Variants in ZFP64 observed in about 807,000 individuals in gnomAD.
ZFP64 encodes ZFP64 zinc finger protein.
In ZFP64, 14 loss-of-function variants were observed where a neutral mutation model predicts 51.6. The observed-to-expected ratio is 0.27, with a 90% CI of 0.18 to 0.42. ZFP64 has a LOEUF of 0.42. Ranked by LOEUF, ZFP64 falls within the 10% of genes least tolerant of loss-of-function variation. ZFP64 has a pLI of 1.00. For synonymous variants in ZFP64, 375 were observed against 361.4 expected, an observed-to-expected ratio of 1.04 and a Z score of -0.43; for missense variants, 754 against 906.8, an observed-to-expected ratio of 0.83 and a Z score of 2.16.
rs967614806 is a variant in ZFP64, at chr20:52,160,522, G to A, written c.512-148C>T. Reference sequence around the variant, plus strand: ...AAACACTGGGTGGATGATTGGCAAAGAGCTAACATCTTGGGAGAGGGGAAG... The same window carrying A: ...AAACACTGGGTGGATGATTGGCAAAAAGCTAACATCTTGGGAGAGGGGAAG... On this transcript the variant is annotated intron_variant, in intron 4 of 5. Transcript: ENST00000216923. The surrounding 1 kb of genome is among the most constrained non-coding windows in gnomAD (Gnocchi z 4.2). The A allele has an allele frequency of 3.6e-6, 4 of 1,098,102 alleles. No homozygotes were observed. The highest frequency in any genetic ancestry group is 5.0e-6 in the Non-Finnish European group (4 of 799,970). 68.0% of individuals were successfully genotyped at this position (1,098,102 alleles called of 1,614,324 possible).
At chr20:52,131,019 T>C (rs986871013) in intron 5 of ZFP64, among the ~76,000 whole-genome samples, 4 of 151,792 alleles carry the variant, frequency 2.6e-5, no homozygotes, top group East Asian at 1.9e-4. Context: ...TGAGCCAAGA[T>C]TGGGCCACTG....
In ZFP64 at chr20:52,191,463, C is replaced by T. The variant is rs944230139; in HGVS notation, c.46+128G>A. 21 of 1,194,580 alleles carry T rather than the reference C, an allele frequency of 1.8e-5. No individual in the cohort carries two copies. In the African/African-American group the frequency reaches 1.8e-4, roughly 10 times the overall value. 74.0% of individuals were successfully genotyped at this position (1,194,580 alleles called of 1,614,324 possible). The stretch of plus-strand genomic sequence containing the variant: ...CGCGCCCGCCGCGGTCCCCGAGACG[C>T]GGCTCCGAGCCGTCACCCCGATTTC... On this transcript the variant is annotated intron_variant, in intron 1 of 5. Coordinates refer to ENST00000216923, the MANE Select transcript of ZFP64 (RefSeq NM_018197.3). This position sits in a 1 kb window ranked among gnomAD's most constrained non-coding sequence, Gnocchi z 4.3.
chr20:52,161,614 C>T (rs547328631), intron 4 of ZFP64, among the ~76,000 whole-genome samples: 1 of 152,154 alleles, frequency 6.6e-6, no homozygotes, highest in South Asian at 2.1e-4. Context: ...AATTACTGAA[C>T]CCATTCCTTA....
rs140782754 is a variant in ZFP64, at chr20:52,160,256, G to A, written c.630C>T (p.Tyr210=). The stretch of plus-strand genomic sequence containing the variant: ...TGAGGCTGCTGCTGTCGGCAGCGGC[G>A]TAGTCACACGTCTTACACTTGTAGG... ...VKPYKCKTCD[Y]AAADSSSLNK... The change falls in exon 5 of 6, where the codon TAC becomes TAT. Residue 210 remains tyrosine (Y), a synonymous_variant. Transcript: ENST00000216923. The surrounding 1 kb of genome is among the most constrained non-coding windows in gnomAD (Gnocchi z 4.2). 267 of 1,614,158 alleles carry A rather than the reference G, an allele frequency of 1.7e-4. No homozygotes were observed. Among genetic ancestry groups the A allele is most frequent in the Middle Eastern group, 4.9e-4 (3 of 6,062 alleles).
chr20:52,097,278 C>A, intron 7 of ZFP64: 1 of 1,420,776 alleles, frequency 7.0e-7, no homozygotes, highest in Non-Finnish European at 9.9e-7. Context: ...GCAGATGAGG[C>A]AGAGACTGTC....
chr20:52,169,896 AT>A (rs1202953380), intron 2 of ZFP64, among the ~76,000 whole-genome samples: 1 of 151,952 alleles, frequency 6.6e-6, no homozygotes, highest in African/African-American at 2.4e-5. Context: ...TCGACTAAAA[AT>A]ACAAAATTAG....
intron 5 of ZFP64, among the ~76,000 whole-genome samples, chr20:52,155,933 T>C (rs903372972): frequency 3.9e-5 from 6 of 152,342 alleles, no homozygotes; most frequent in African/African-American, 1.4e-4. Flanking sequence ...TTTACAGTTT[T>C]ACCAGTGCCA....
intron 7 of ZFP64, among the ~76,000 whole-genome samples, chr20:52,092,080 A>G (rs2078933818): frequency 6.6e-6 from 1 of 152,226 alleles, no homozygotes; most frequent in Non-Finnish European, 1.5e-5. Flanking sequence ...TGCTGAAATC[A>G]AGTGCACAGT....
chr20:52,106,247 G>A (rs1045344523), intron 5 of ZFP64, among the ~76,000 whole-genome samples: 9 of 152,200 alleles, frequency 5.9e-5, no homozygotes, highest in Admixed American at 2.0e-4. Context: ...TGAGACCCGA[G>A]GGAGACCCCT....
intron 5 of ZFP64, among the ~76,000 whole-genome samples, chr20:52,102,710 A>T (rs1310771704): frequency 1.3e-5 from 2 of 152,194 alleles, no homozygotes; most frequent in African/African-American, 2.4e-5. Context: ...GATAAGTTTC[A>T]ATTCCAGTTT....
At chr20:52,177,206 G>C (rs1165522021) in intron 2 of ZFP64, among the ~76,000 whole-genome samples, 3 of 152,140 alleles carry the variant, frequency 2.0e-5, no homozygotes, top group Non-Finnish European at 4.4e-5. Flanking sequence ...GAGATTTGGG[G>C]TAAAGTTTAG....
chr20:52,191,570 T>A lies in ZFP64; in HGVS notation c.46+21A>T. The stretch of plus-strand genomic sequence containing the variant: ...GCGCACTGGGCCCCGGAGCGCGCAC[T>A]GCTCCCGGAAAAGCACTTACTTTGC... On this transcript the variant is annotated intron_variant, in intron 1 of 5. Coordinates refer to ENST00000216923, the MANE Select transcript of ZFP64 (RefSeq NM_018197.3). The surrounding 1 kb of genome is among the most constrained non-coding windows in gnomAD (Gnocchi z 4.3). 2 of 1,568,568 alleles carry A rather than the reference T, an allele frequency of 1.3e-6. No individual in the cohort carries two copies. Among genetic ancestry groups the A allele is most frequent in the Non-Finnish European group, 1.7e-6 (2 of 1,161,654 alleles).
At position 52,105,702 on chromosome 20, in the gene ZFP64, T is replaced by C. The variant is rs536250020; in HGVS notation, c.764-7115A>G. On this transcript the variant is annotated intron_variant, in intron 5 of 8. Transcript: ENST00000361387. Reference sequence around the variant, plus strand: ...CTGGGGATCTCGTTAAAATGCAGATTCTGACTCAGTGGGTCTGGGGTGGGG... The same window carrying C: ...CTGGGGATCTCGTTAAAATGCAGATCCTGACTCAGTGGGTCTGGGGTGGGG... 3.3e-5 allele frequency: 5 copies of C among 152,174 alleles called. No individual in the cohort carries two copies. In the East Asian group the frequency reaches 9.8e-4, roughly 30 times the overall value. 9.4% of individuals were successfully genotyped at this position (152,174 alleles called of 1,614,324 possible). A position where few individuals can be genotyped will look rare whatever the true frequency, so the allele number is the denominator to read the frequency against.
Position 52,160,466 on chromosome 20 carries a change from A to G in ZFP64, c.512-92T>C. ...CACTGCCTTACGAAAAAAGTCATAT[A>G]CAACCACCGAAGAATATTCCAAAAA... is the stretch of plus-strand genomic sequence containing the variant. On this transcript the variant is annotated intron_variant, in intron 4 of 5. Transcript: ENST00000216923. This position sits in a 1 kb window ranked among gnomAD's most constrained non-coding sequence, Gnocchi z 4.2. 6.7e-7 allele frequency: 1 copy of G among 1,487,528 alleles called. No homozygotes were observed. The highest frequency in any genetic ancestry group is 8.9e-7 in the Non-Finnish European group (1 of 1,118,014). The allele number at this position is 1,487,528 out of a possible 1,614,324, so 92.1% of individuals were successfully genotyped here. A position where few individuals can be genotyped will look rare whatever the true frequency, so the allele number is the denominator to read the frequency against.
intron 2 of ZFP64, among the ~76,000 whole-genome samples, chr20:52,182,411 A>G (rs1413869210): frequency 6.6e-6 from 1 of 152,312 alleles, no homozygotes; most frequent in East Asian, 1.9e-4. Flanking sequence ...GAGGAGGGTG[A>G]ACTTCTTTGA....
chr20:52,180,214 G>A (rs1171651400), intron 2 of ZFP64, among the ~76,000 whole-genome samples: 1 of 152,176 alleles, frequency 6.6e-6, no homozygotes, highest in Non-Finnish European at 1.5e-5. Flanking sequence ...GGCTGTCAGG[G>A]GCTGCTTTCC....
intron 2 of ZFP64, among the ~76,000 whole-genome samples, chr20:52,173,849 C>T (rs1292617020): frequency 6.6e-6 from 1 of 151,918 alleles, no homozygotes; most frequent in East Asian, 2.0e-4. Flanking sequence ...GGGGTTTCAC[C>T]ATGTTGGTCA....
At chr20:52,132,348 GAAGA>G (rs1373380259) in intron 5 of ZFP64, among the ~76,000 whole-genome samples, 1 of 151,360 alleles carries the variant, frequency 6.6e-6, no homozygotes, top group East Asian at 1.9e-4. Context: ...AAAATTAGTA[GAAGA>G]AATAAGAAAG....
At chr20:52,109,184 T>C (rs908834612) in intron 5 of ZFP64, among the ~76,000 whole-genome samples, 8 of 151,452 alleles carry the variant, frequency 5.3e-5, no homozygotes, top group Non-Finnish European at 1.2e-4. Context: ...GGAGTCTCAC[T>C]TTGTCGCCCA....
Sources: gnomAD v4.1 joint callset for allele counts (sites outside exome capture counted in the v4.1 genomes callset) on GRCh38, gnomAD v4.1.1 for gene constraint, Gnocchi (gnomAD v3.1) non-coding constraint, MANE v1.5 for transcripts, NCBI Gene and HGNC (gene_info 2026-07-23, HGNC 2026-07-21) for gene names.